Variants in AFF1 observed in about 807,000 individuals in gnomAD.
AFF1 encodes the protein AF4/FMR2 family member 1.
In AFF1, 48 loss-of-function variants were observed where a neutral mutation model predicts 121.7. That is an observed-to-expected ratio of 0.39 (90% confidence interval 0.31 to 0.50). AFF1 has a LOEUF of 0.50. AFF1 is among the 20% of genes least tolerant of loss of function. The pLI, the probability that AFF1 is intolerant of heterozygous loss-of-function variation, is 0.76. For synonymous variants in AFF1, 613 were observed against 563.0 expected, an observed-to-expected ratio of 1.09 and a Z score of -1.26; for missense variants, 1,523 against 1,511.7, an observed-to-expected ratio of 1.01 and a Z score of -0.12.
intron 2 of AFF1, among the ~76,000 whole-genome samples, chr4:87,014,321 A>C (rs1461874086): frequency 2.0e-5 from 3 of 152,190 alleles, no homozygotes; most frequent in African/African-American, 7.2e-5. Flanking sequence ...ACCAGGTGGC[A>C]GTTGTTTTTG....
At chr4:87,114,194 A>T (rs1283113032) in intron 11 of AFF1, among the ~76,000 whole-genome samples, 173 bp from the exon 12 acceptor site, 1 of 152,238 alleles carries the variant, frequency 6.6e-6, no homozygotes, top group Non-Finnish European at 1.5e-5. Flanking sequence ...GGTTGCTTTA[A>T]GAGTTAATTG....
At chr4:87,091,186 C>G (rs1267418957) in intron 6 of AFF1, among the ~76,000 whole-genome samples, 1 of 151,896 alleles carries the variant, frequency 6.6e-6, no homozygotes, top group Non-Finnish European at 1.5e-5. Context: ...GGGTGGATCA[C>G]GAGGTCAGGA....
chr4:87,034,063 G>A (rs1729321792), intron 2 of AFF1, among the ~76,000 whole-genome samples: 1 of 152,158 alleles, frequency 6.6e-6, no homozygotes, highest in African/African-American at 2.4e-5. Context: ...TTTTAGATGG[G>A]GATTGAAAGG....
In AFF1 at chr4:87,094,928, A is replaced by G. The variant is rs149138743; in HGVS notation, c.1242A>G (p.Thr414=). The G allele has an allele frequency of 4.7e-4, 765 of 1,613,916 alleles. No homozygotes were observed. In the African/African-American group the frequency reaches 8.5e-3, roughly 18 times the overall value. Residue 414 remains threonine, a synonymous_variant, in exon 8 of 21, where the codon ACA becomes ACG. Transcript: ENST00000395146. ...SVTQNQKQYD[T]SSKTHSNSQQ... ...TCTCCCCCACAGAACAATATGATAC[A>G]TCTTCAAAAACTCACTCAAATTCTC... is the stretch of plus-strand genomic sequence containing the variant.
chr4:87,047,445 A>T lies in AFF1; in HGVS notation c.910A>T (p.Met304Leu). The T allele has an allele frequency of 6.2e-7, 1 of 1,614,156 alleles. No homozygotes were observed. The change falls in exon 4 of 21, where the codon ATG (methionine) becomes TTG (leucine). Residue 304 changes from methionine to leucine, a missense_variant. Met to Leu is a conservative substitution (Grantham distance 15, BLOSUM62 2). This residue lies in a region of AFF1 where 2 missense variants were observed against 18.0 expected (regional missense o/e 0.11). Transcript: ENST00000395146. ...GAAGCCCACGGCTTATGTCCGGCCC[A>T]TGGATGGTCAAGATCAGGCCCCTAG... ...QQKPTAYVRP[M>L]DGQDQAPSES...
Position 86,955,125 on chromosome 4 carries a change from CTATTT to C in AFF1, c.38+6563_38+6567del, listed in dbSNP as rs1258670356. On this transcript the variant is annotated intron_variant, in intron 2 of 20. Transcript: ENST00000395146. ...TTATCCAGATTTCCAGATTAATAGC[CTATTT>C]TATTTTATGATTATTTGTGCCCTTG... Among the ~76,000 whole-genome samples, 8 of 152,140 alleles carry C rather than the reference CTATTT, an allele frequency of 5.3e-5. No homozygotes were observed. The East Asian group carries it at 1.5e-3, about 29-fold the overall frequency.
intron 2 of AFF1, among the ~76,000 whole-genome samples, chr4:86,951,768 C>T (rs1721360964): frequency 6.6e-6 from 1 of 151,686 alleles, no homozygotes; most frequent in Non-Finnish European, 1.5e-5. Flanking sequence ...ACTACAGGCA[C>T]ACCATGCCCA....
chr4:86,953,914 T>C (rs1721559837), intron 2 of AFF1, among the ~76,000 whole-genome samples: 1 of 152,176 alleles, frequency 6.6e-6, no homozygotes, highest in Non-Finnish European at 1.5e-5. Flanking sequence ...TTTCACCATG[T>C]TGGCCAGGCT....
At chr4:87,110,477 T>C (rs1726371814) in intron 11 of AFF1, among the ~76,000 whole-genome samples, 1 of 146,492 alleles carries the variant, frequency 6.8e-6, no homozygotes, top group South Asian at 2.1e-4. Context: ...TTTTGTTTTG[T>C]TTTGTTTTGT....
At position 87,052,194 on chromosome 4, in the gene AFF1, G is replaced by C. The variant is rs188910756; in HGVS notation, c.1059+4600G>C. On this transcript the variant is annotated intron_variant, in intron 4 of 20. Coordinates refer to ENST00000395146, the MANE Select transcript of AFF1 (RefSeq NM_001166693.3). ...AGGCCGAGGTGGGAGGATCACTCCTGGGGAGCCCAGGAGTTCAAGACCAGC... is the reference window on the plus strand; with the variant it reads ...AGGCCGAGGTGGGAGGATCACTCCTCGGGAGCCCAGGAGTTCAAGACCAGC... Among the ~76,000 whole-genome samples the C allele has an allele frequency of 5.7e-3, 869 of 152,206 alleles. 4 individuals are homozygous for C. The highest frequency in any genetic ancestry group is 9.7e-3 in the Non-Finnish European group (658 of 67,996).
chr4:87,070,396 CAAA>C (rs371248583), intron 4 of AFF1, among the ~76,000 whole-genome samples: 1 of 151,992 alleles, frequency 6.6e-6, no homozygotes, highest in African/African-American at 2.4e-5. Context: ...CTCGGCCTCC[CAAA>C]ATGCTGGGAT....
chr4:87,006,899 C>T lies in AFF1; in HGVS notation c.39-39267C>T, dbSNP rs1578043749. Reference sequence around the variant, plus strand: ...CCTTTGGCTAGGGCCGCCGAGCGCCCTGCCCATTTAAGTAGGCGGGCCGTA... The same window carrying T: ...CCTTTGGCTAGGGCCGCCGAGCGCCTTGCCCATTTAAGTAGGCGGGCCGTA... On this transcript the variant is annotated intron_variant, in intron 2 of 20. Transcript: ENST00000395146. The T allele has an allele frequency of 5.2e-6, 5 of 962,928 alleles. No individual in the cohort carries two copies. In the East Asian group the frequency reaches 3.5e-4, roughly 68 times the overall value. The allele number at this position is 962,928 out of a possible 1,614,324, so 59.6% of individuals were successfully genotyped here.
intron 2 of AFF1, among the ~76,000 whole-genome samples, chr4:86,963,027 G>C (rs377765052): frequency 5.3e-5 from 8 of 151,816 alleles, no homozygotes; most frequent in Admixed American, 1.3e-4. Flanking sequence ...TTAGCCAGGC[G>C]TGCTGGCATG....
rs1299530901 is a variant in AFF1 at position 86,986,074 on chromosome 4, TTAATTTAATG to T, written c.38+37509_38+37518del. 9.3e-4 allele frequency among the ~76,000 whole-genome samples: 140 copies of T among 151,238 alleles called. 3 individuals are homozygous for T. The highest frequency in any genetic ancestry group is 4.7e-4 in the Non-Finnish European group (32 of 67,916). ...TTAATTTAATTTAATTTAATTTAAT[TTAATTTAATG>T]TAATTGGAGACCGAATCTCACTCTG... On this transcript the variant is annotated intron_variant, in intron 2 of 20. Transcript: ENST00000395146.
chr4:86,958,342 C>T (rs965447216), intron 2 of AFF1, among the ~76,000 whole-genome samples: 4 of 152,006 alleles, frequency 2.6e-5, no homozygotes, highest in Non-Finnish European at 4.4e-5. Flanking sequence ...CTGCCCAACT[C>T]AGCCTCCCAA....
chr4:86,996,665 A>G (rs531052220), intron 2 of AFF1, among the ~76,000 whole-genome samples: 69 of 152,050 alleles, frequency 4.5e-4, no homozygotes, highest in African/African-American at 1.3e-3. Context: ...TCCCTCCACT[A>G]TTGTCCTGTG....
At chr4:87,076,847 C>T (rs1431596253) in intron 4 of AFF1, among the ~76,000 whole-genome samples, 1 of 152,216 alleles carries the variant, frequency 6.6e-6, no homozygotes, top group Non-Finnish European at 1.5e-5. Flanking sequence ...GAAGTAGGCA[C>T]ACCCAGGCAG....
intron 2 of AFF1, among the ~76,000 whole-genome samples, chr4:86,987,629 C>G (rs1041981781): frequency 3.9e-5 from 6 of 152,136 alleles, no homozygotes; most frequent in Non-Finnish European, 1.5e-5. Context: ...CACACCACCC[C>G]CTTTTTGCAA....
intron 1 of AFF1, among the ~76,000 whole-genome samples, chr4:86,941,408 A>C (rs1720445383): frequency 6.6e-6 from 1 of 152,174 alleles, no homozygotes; most frequent in South Asian, 2.1e-4. Flanking sequence ...CTGTAATCCC[A>C]GCACTTTGGG....
Sources: allele counts gnomAD v4.1 joint callset (sites outside exome capture counted in the v4.1 genomes callset), GRCh38; gene constraint gnomAD v4.1.1; regional missense constraint gnomAD v4.1.1; transcripts MANE v1.5; gene names NCBI Gene and HGNC (gene_info 2026-07-23, HGNC 2026-07-21).